MTAP: variants seen among roughly 807,000 people sequenced by gnomAD.
The protein encoded by MTAP is methylthioadenosine phosphorylase.
In MTAP, 33 loss-of-function variants were observed where a neutral mutation model predicts 33.6. The ratio of observed to expected loss-of-function variants is 0.98; its 90% CI spans 0.74 to 1.31. The LOEUF is 1.31. Ranked by LOEUF, MTAP falls within the 40% of genes most tolerant of loss-of-function variation. The pLI, the probability that MTAP is intolerant of heterozygous loss-of-function variation, is 0.00. For synonymous variants in MTAP, 148 were observed against 125.7 expected (o/e 1.18, Z -1.19); for missense variants, 367 against 360.0 (o/e 1.02, Z -0.16).
intron 4 of MTAP, among the ~76,000 whole-genome samples, chr9:21,830,911 A>G (rs768351793): frequency 1.3e-5 from 2 of 152,194 alleles, no homozygotes; most frequent in Admixed American, 1.3e-4. Context: ...GTAAAGCTCG[A>G]CTTCGATGAT....
intron 4 of MTAP, among the ~76,000 whole-genome samples, chr9:21,836,294 CT>C (rs1563840465): frequency 1.3e-5 from 2 of 152,170 alleles, no homozygotes; most frequent in African/African-American, 4.8e-5. Context: ...GAAATTAAGA[CT>C]GTAGTTAATA....
At position 21,840,945 on chromosome 9, in the gene MTAP, G is replaced by C. The variant is rs891016533; in HGVS notation, c.450+2935G>C. ...GACTAGCCTCACCAACTGCATAGTA[G>C]CTGGATGAGGCCTCTTGCTGCTGGC... On this transcript the variant is annotated intron_variant, in intron 5 of 7. Transcript: ENST00000644715. Among the ~76,000 whole-genome samples the C allele has an allele frequency of 1.3e-5, 2 of 152,266 alleles. 1 individual carries two copies. The highest frequency in any genetic ancestry group is 2.9e-5 in the Non-Finnish European group (2 of 68,006).
chr9:21,926,632 G>T (rs1818874205), intron 1 of MTAP, among the ~76,000 whole-genome samples: 1 of 152,180 alleles, frequency 6.6e-6, no homozygotes, highest in African/African-American at 2.4e-5. Context: ...GTTCCAATTT[G>T]TTTGGGCAAG....
intron 1 of MTAP, chr9:21,813,887 G>C (rs1335122949): frequency 1.3e-5 from 2 of 152,182 alleles, no homozygotes; most frequent in East Asian, 3.9e-4. Flanking sequence ...TCCTAAAACA[G>C]TATGAATTTT....
rs138887943 is a variant in MTAP at position 21,854,770 on chromosome 9, C to G, written c.590C>G (p.Thr197Ser). The G allele has an allele frequency of 1.9e-6, 3 of 1,614,042 alleles. No homozygotes were observed. The highest frequency in any genetic ancestry group is 1.3e-5 in the African/African-American group (1 of 74,922). The change falls in exon 6 of 8, where the codon ACC (threonine) becomes AGC (serine). Residue 197 changes from threonine to serine, a missense_variant. Transcript: ENST00000644715. ...RTWGADVINMTTVPEVVLAKE... is the reference protein window; with the variant it reads ...RTWGADVINMSTVPEVVLAKE... ...TGGGGGGCGGATGTTATCAACATGA[C>G]CACAGTTCCAGAGGTGGTTCTTGCT...
At chr9:21,821,775 G>A (rs978405107) in intron 4 of MTAP, among the ~76,000 whole-genome samples, 1 of 152,066 alleles carries the variant, frequency 6.6e-6, no homozygotes, top group Non-Finnish European at 1.5e-5. Flanking sequence ...TTGGTTGGTA[G>A]GCTATTAATT....
At chr9:21,811,515 A>G in intron 1 of MTAP, 1 of 265,946 alleles carries the variant, frequency 3.8e-6, no homozygotes, top group Non-Finnish European at 7.6e-6. Context: ...GTCAAGACAC[A>G]ACAGCAAGCG....
At chr9:21,838,211 C>G (rs1211761012) in intron 5 of MTAP, among the ~76,000 whole-genome samples, 1 of 152,190 alleles carries the variant, frequency 6.6e-6, no homozygotes, top group African/African-American at 2.4e-5. Context: ...TTAAGCTGAA[C>G]CACTCAAAGT....
At chr9:21,935,673 T>G (rs1219850844), downstream of MTAP, 1 of 152,042 alleles carries the variant, frequency 6.6e-6, no homozygotes. Context: ...TTGGTTGAGT[T>G]TTTTTTTCTT....
At chr9:21,836,339 T>G (rs1176898172) in intron 4 of MTAP, among the ~76,000 whole-genome samples, 2 of 152,218 alleles carry the variant, frequency 1.3e-5, no homozygotes, top group Non-Finnish European at 2.9e-5. Flanking sequence ...GCATGAAGCT[T>G]AACTTAAATA....
At chr9:21,843,557 C>G (rs984840635) in intron 5 of MTAP, among the ~76,000 whole-genome samples, 18 of 152,114 alleles carry the variant, frequency 1.2e-4, no homozygotes, top group African/African-American at 4.3e-4. Flanking sequence ...TCTCTCAGAT[C>G]AAAGTGGAAT....
At position 21,863,374 on chromosome 9, in the gene MTAP, G is replaced by A. The variant is rs913030453; in HGVS notation, c.*1360G>A. 5.7e-6 allele frequency: 5 copies of A among 881,078 alleles called. No homozygotes were observed. Among genetic ancestry groups the A allele is most frequent in the East Asian group, 1.2e-4 (1 of 8,324 alleles). The allele number at this position is 881,078 out of a possible 1,614,324, so 54.6% of individuals were successfully genotyped here. A position where few individuals can be genotyped will look rare whatever the true frequency, so the allele number is the denominator to read the frequency against. On this transcript the variant is annotated 3_prime_UTR_variant, in exon 8 of 8. Coordinates refer to ENST00000644715, the MANE Select transcript of MTAP (RefSeq NM_002451.4). ...TGTAATCCCAGCACTGTGGGAGGCC[G>A]AGACGGGTGGATCACAAGGTCAGGA... is the stretch of plus-strand genomic sequence containing the variant.
intron 1 of MTAP, among the ~76,000 whole-genome samples, chr9:21,911,486 C>A (rs1173280047): frequency 6.6e-6 from 1 of 152,052 alleles, no homozygotes; most frequent in Non-Finnish European, 1.5e-5. Context: ...CACACAAAAC[C>A]GCTCAACTAC....
At chr9:21,918,983 C>G (rs1486938877) in intron 1 of MTAP, among the ~76,000 whole-genome samples, 1 of 152,086 alleles carries the variant, frequency 6.6e-6, no homozygotes, top group East Asian at 1.9e-4. Flanking sequence ...AATTGATCAC[C>G]AAGGTGTGAC....
intron 2 of MTAP, 45 bp downstream of exon 2, chr9:21,815,564 T>C: frequency 8.1e-7 from 1 of 1,238,334 alleles, no homozygotes; most frequent in South Asian, 1.3e-5. Flanking sequence ...TTTTTTCATT[T>C]CTCCTTGCTG....
At chr9:21,804,420 T>G (rs1202000234) in intron 1 of MTAP, among the ~76,000 whole-genome samples, 1 of 152,188 alleles carries the variant, frequency 6.6e-6, no homozygotes, top group African/African-American at 2.4e-5. Context: ...GCAGTGCATT[T>G]AAGTGCAGAA....
chr9:21,930,920 C>A lies in MTAP; in HGVS notation c.148-88C>A, dbSNP rs1818947784. 13 of 648,192 alleles carry A rather than the reference C, an allele frequency of 2.0e-5. No individual in the cohort carries two copies. In the South Asian group the frequency reaches 2.3e-4, roughly 12 times the overall value. The allele number at this position is 648,192 out of a possible 1,614,324, so 40.2% of individuals were successfully genotyped here. On this transcript the variant is annotated intron_variant, in intron 1 of 1. Transcript: ENST00000577563. Reference sequence around the variant, plus strand: ...TTCCCTGGGTTCTTCCCTTTTTAGGCCCACATGTTAGCCTCTACTTTTGCT... The same window carrying A: ...TTCCCTGGGTTCTTCCCTTTTTAGGACCACATGTTAGCCTCTACTTTTGCT...
chr9:21,882,627 T>G (rs1426967506), intron 1 of MTAP, among the ~76,000 whole-genome samples: 2 of 151,348 alleles, frequency 1.3e-5, no homozygotes, highest in African/African-American at 4.9e-5. Flanking sequence ...AACATAATTA[T>G]CAAACTTGAT....
intron 5 of MTAP, among the ~76,000 whole-genome samples, chr9:21,838,885 G>A (rs1327947232): frequency 2.6e-5 from 4 of 152,200 alleles, no homozygotes; most frequent in Non-Finnish European, 5.9e-5. Context: ...TTAACTTAGA[G>A]AATATAAATA....
Sources: gnomAD v4.1 joint callset for allele counts (sites outside exome capture counted in the v4.1 genomes callset) on GRCh38, gnomAD v4.1.1 for gene constraint, MANE v1.5 for transcripts, NCBI Gene and HGNC (gene_info 2026-07-23, HGNC 2026-07-21) for gene names.